The following KTN1 variants were observed in gnomAD, a reference collection of about 807,000 sequenced individuals.
The protein encoded by KTN1 is kinectin.
Under a neutral mutation model 222.5 loss-of-function variants are expected in KTN1, and 130 were observed. The ratio of observed to expected loss-of-function variants is 0.58; its 90% CI spans 0.51 to 0.68. The LOEUF is 0.68. KTN1 is among the 30% of genes least tolerant of loss of function. The probability of loss-of-function intolerance (pLI) is 0.00; values close to 1 mark genes in which losing one functional copy is unlikely to be tolerated. For synonymous variants in KTN1, 512 were observed against 496.3 expected (o/e 1.03, Z -0.42); for missense variants, 1,508 against 1,500.4 (o/e 1.01, Z -0.08).
In KTN1 at chr14:55,679,609, T is replaced by C. The variant is rs2046189428; in HGVS notation, c.3993T>C (p.Thr1331=). ...CAATGTCTGTAAGTCTAAATCAGAC[T>C]GTAACACAGTTACAGCAGTTGCTTC... ...KETMSVSLNQ[T]VTQLQQLLQA... Residue 1331 remains threonine, a synonymous_variant, in exon 43 of 44, where the codon ACT becomes ACC. Coordinates refer to ENST00000395314, the MANE Select transcript of KTN1 (RefSeq NM_001079521.2). The C allele has an allele frequency of 1.9e-6, 3 of 1,611,722 alleles. No homozygotes were observed. Among genetic ancestry groups the C allele is most frequent in the Admixed American group, 1.7e-5 (1 of 59,988 alleles).
At chr14:55,603,493 A>G (rs2036275316) in intron 1 of KTN1, among the ~76,000 whole-genome samples, 1 of 152,166 alleles carries the variant, frequency 6.6e-6, no homozygotes, top group South Asian at 2.1e-4. Flanking sequence ...CCTCCTTAAT[A>G]GACTTTATTC....
intron 1 of KTN1, among the ~76,000 whole-genome samples, chr14:55,581,721 G>C (rs899281963): frequency 6.6e-6 from 1 of 152,108 alleles, no homozygotes; most frequent in African/African-American, 2.4e-5. Context: ...TGGCAACAGT[G>C]TCTCCAGTTT....
chr14:55,593,382 A>C (rs1006972068), intron 1 of KTN1, among the ~76,000 whole-genome samples: 1 of 151,898 alleles, frequency 6.6e-6, no homozygotes, highest in African/African-American at 2.4e-5. Flanking sequence ...CATTCAAATC[A>C]AAACTCTGAA....
chr14:55,661,592 C>A lies in KTN1; in HGVS notation c.3070C>A (p.His1024Asn). The A allele has an allele frequency of 6.3e-7, 1 of 1,579,276 alleles. No homozygotes were observed. Among genetic ancestry groups the A allele is most frequent in the Non-Finnish European group, 8.7e-7 (1 of 1,149,142 alleles). Residue 1024 changes from histidine (H) to asparagine (N), a missense_variant, in exon 32 of 44, where the codon CAC (histidine) becomes AAC (asparagine). By Grantham distance (68) the His-to-Asn change is moderately conservative. Coordinates refer to ENST00000395314, the MANE Select transcript of KTN1 (RefSeq NM_001079521.2). ...ELDSLKDAVE[H>N]QRKKNNDLRE... is the part of the protein sequence containing the mutation. Reference sequence around the variant, plus strand: ...AGATTCTTTGAAGGATGCAGTTGAACACCAGAGGAAGAAAAACAATGTAAG... The same window carrying A: ...AGATTCTTTGAAGGATGCAGTTGAAAACCAGAGGAAGAAAAACAATGTAAG...
intron 28 of KTN1, among the ~76,000 whole-genome samples, chr14:55,655,121 TG>T (rs940097527): frequency 6.6e-6 from 1 of 152,106 alleles, no homozygotes; most frequent in African/African-American, 2.4e-5. Context: ...TTCGAGTAGC[TG>T]GGACTACAGG....
chr14:55,658,284 A>C (rs1329326060), intron 29 of KTN1, among the ~76,000 whole-genome samples: 1 of 152,212 alleles, frequency 6.6e-6, no homozygotes, highest in Non-Finnish European at 1.5e-5. Flanking sequence ...TTGAAATGTC[A>C]CTTCATACTA....
chr14:55,586,005 C>T (rs754631022), intron 1 of KTN1, among the ~76,000 whole-genome samples: 5 of 152,160 alleles, frequency 3.3e-5, no homozygotes, highest in Admixed American at 2.0e-4. Context: ...CATGATGTTA[C>T]ACTGCATTTT....
At chr14:55,580,907 C>G (rs2031357400) in intron 1 of KTN1, among the ~76,000 whole-genome samples, 1 of 152,212 alleles carries the variant, frequency 6.6e-6, no homozygotes, top group African/African-American at 2.4e-5. Flanking sequence ...GCCCCCTTCC[C>G]CGGCGCCCCT....
At chr14:55,607,552 A>T (rs1251933379) in intron 1 of KTN1, 1 of 152,192 alleles carries the variant, frequency 6.6e-6, no homozygotes, top group Non-Finnish European at 1.5e-5. Context: ...GATAAAAGAC[A>T]ATGGTGTGGA....
At chr14:55,630,221 C>T in intron 7 of KTN1, 124 bp downstream of exon 7, 1 of 832,354 alleles carries the variant, frequency 1.2e-6, no homozygotes, top group South Asian at 1.6e-5. Flanking sequence ...TAGTGAAGTT[C>T]ACTCTGCGTC....
intron 5 of KTN1, among the ~76,000 whole-genome samples, chr14:55,620,056 G>C (rs1292816665): frequency 6.6e-6 from 1 of 152,138 alleles, no homozygotes; most frequent in African/African-American, 2.4e-5. Flanking sequence ...CACTCCAAAT[G>C]GGAGAAATTG....
intron 40 of KTN1, chr14:55,674,190 T>C (rs1395967820): frequency 6.6e-6 from 1 of 152,114 alleles, no homozygotes; most frequent in African/African-American, 2.4e-5. Context: ...AATCAATTTT[T>C]AGAGTAGAGC....
intron 1 of KTN1, among the ~76,000 whole-genome samples, chr14:55,593,445 C>CG (rs200975637): frequency 7.2e-6 from 1 of 139,606 alleles, no homozygotes; most frequent in African/African-American, 2.7e-5. Context: ...CACCCCCCCC[C>CG]CAAAAAAAAA....
At chr14:55,638,584 G>A (rs992109414) in intron 12 of KTN1, among the ~76,000 whole-genome samples, 1 of 151,736 alleles carries the variant, frequency 6.6e-6, no homozygotes, top group Non-Finnish European at 1.5e-5. Flanking sequence ...ATTTTTCCCA[G>A]TTGCTTTATC....
At chr14:55,679,343 GACA>G (rs2046167263) in intron 42 of KTN1, 1 of 399,782 alleles carries the variant, frequency 2.5e-6, no homozygotes, top group African/African-American at 2.1e-5. Context: ...GTGTCCAAGT[GACA>G]ACATTTATAA....
Position 55,612,405 on chromosome 14 carries a change from G to C in KTN1, c.357G>C (p.Lys119Asn), listed in dbSNP as rs1296306232. The C allele has an allele frequency of 6.2e-7, 1 of 1,613,874 alleles. No homozygotes were observed. The highest frequency in any genetic ancestry group is 1.7e-5 in the Admixed American group (1 of 59,938). Residue 119 changes from lysine (K) to asparagine (N), a missense_variant, in exon 2 of 44, where the codon AAG becomes AAC. By Grantham distance (94) the Lys-to-Asn change is moderately conservative. Transcript: ENST00000395314. The stretch of plus-strand genomic sequence containing the variant: ...TTAGGGAAAGAAAAAAGAAGGAAAA[G>C]AAACAAAAGCCTGTGCTTGAAGAGC... ...SSVRERKKKEKKQKPVLEEQV... is the reference protein window; with the variant it reads ...SSVRERKKKENKQKPVLEEQV...
chr14:55,599,903 T>C (rs868760595), intron 1 of KTN1, among the ~76,000 whole-genome samples: 1 of 152,134 alleles, frequency 6.6e-6, no homozygotes, highest in Non-Finnish European at 1.5e-5. Context: ...TAAATCTATT[T>C]TTTTAACTTA....
At chr14:55,590,811 G>A (rs958599649) in intron 1 of KTN1, among the ~76,000 whole-genome samples, 2 of 152,044 alleles carry the variant, frequency 1.3e-5, no homozygotes, top group African/African-American at 4.8e-5. Context: ...GAGTAGCTGG[G>A]ATTACAGGCA....
chr14:55,613,882 T>C (rs1400737182), intron 2 of KTN1, among the ~76,000 whole-genome samples: 1 of 152,160 alleles, frequency 6.6e-6, no homozygotes, highest in Non-Finnish European at 1.5e-5. Flanking sequence ...ATGTGGTTTA[T>C]GTAGGAGATA....
Sources: gnomAD v4.1 joint callset for allele counts (sites outside exome capture counted in the v4.1 genomes callset) on GRCh38, gnomAD v4.1.1 for gene constraint, MANE v1.5 for transcripts, NCBI Gene and HGNC (gene_info 2026-07-23, HGNC 2026-07-21) for gene names.